PTPRK: variants seen among roughly 807,000 people sequenced by gnomAD.
PTPRK encodes the protein receptor-type tyrosine-protein phosphatase kappa.
In PTPRK, 75 loss-of-function variants were observed where a neutral mutation model predicts 178.0. The ratio of observed to expected loss-of-function variants is 0.42; its 90% CI spans 0.35 to 0.51. The LOEUF (loss-of-function observed/expected upper bound fraction) is 0.51. PTPRK is among the 20% of genes least tolerant of loss of function. PTPRK has a pLI of 0.02. For missense variants in PTPRK, 1,441 were observed against 1,797.8 expected (o/e 0.80, Z 3.59); for synonymous variants, 637 against 620.6 (o/e 1.03, Z -0.39).
intron 27 of PTPRK, among the ~76,000 whole-genome samples, chr6:127,974,466 C>A (rs1004015755): frequency 1.3e-5 from 2 of 152,150 alleles, no homozygotes; most frequent in Admixed American, 1.3e-4. Context: ...GCTTGGTCTT[C>A]TCAATCCCAA....
chr6:128,371,255 T>C (rs1269505772), intron 2 of PTPRK, among the ~76,000 whole-genome samples: 1 of 152,224 alleles, frequency 6.6e-6, no homozygotes, highest in Non-Finnish European at 1.5e-5. Context: ...TTGGACTCTA[T>C]CTGTACCATA....
At chr6:128,253,433 C>G (rs1228390497) in intron 3 of PTPRK, among the ~76,000 whole-genome samples, 1 of 152,100 alleles carries the variant, frequency 6.6e-6, no homozygotes, top group Non-Finnish European at 1.5e-5. Flanking sequence ...ATTTCTGTAT[C>G]TTTACTATCA....
chr6:128,314,511 C>T (rs371566913), intron 3 of PTPRK, among the ~76,000 whole-genome samples: 17 of 152,326 alleles, frequency 1.1e-4, no homozygotes, highest in African/African-American at 4.1e-4. Flanking sequence ...AATTCCACTT[C>T]CCTTAAATGC....
chr6:128,428,990 G>T (rs946413002), intron 1 of PTPRK, among the ~76,000 whole-genome samples: 12 of 152,158 alleles, frequency 7.9e-5, no homozygotes, highest in Non-Finnish European at 1.8e-4. Context: ...ATTAGGTTAG[G>T]TGTATTAAAA....
chr6:128,272,302 G>A (rs1307431354), intron 3 of PTPRK, among the ~76,000 whole-genome samples: 1 of 152,070 alleles, frequency 6.6e-6, no homozygotes, highest in African/African-American at 2.4e-5. Context: ...GCATGGGCAA[G>A]GACCTCATGA....
intron 1 of PTPRK, among the ~76,000 whole-genome samples, chr6:128,431,323 T>C (rs1220106518): frequency 1.3e-5 from 2 of 152,124 alleles, no homozygotes; most frequent in African/African-American, 4.8e-5. Context: ...TTTAAATAAA[T>C]ATGCAGCCTT....
At chr6:128,197,017 AC>A (rs1804971023) in intron 6 of PTPRK, among the ~76,000 whole-genome samples, 1 of 152,144 alleles carries the variant, frequency 6.6e-6, no homozygotes, top group South Asian at 2.1e-4. Context: ...ACTATTTTAA[AC>A]ATTATAGAAA....
chr6:127,975,685 T>A (rs2114611392), intron 27 of PTPRK, among the ~76,000 whole-genome samples: 1 of 152,312 alleles, frequency 6.6e-6, no homozygotes, highest in East Asian at 1.9e-4. Flanking sequence ...ATTAATATCT[T>A]TTTTTGGGGG....
chr6:128,088,473 T>C (rs1224397367), intron 8 of PTPRK, among the ~76,000 whole-genome samples: 1 of 152,048 alleles, frequency 6.6e-6, no homozygotes, highest in African/African-American at 2.4e-5. Flanking sequence ...GATCACTTAA[T>C]TTAAGCCCTT....
intron 13 of PTPRK, among the ~76,000 whole-genome samples, chr6:128,038,492 A>C (rs1776600798): frequency 2.0e-5 from 3 of 152,172 alleles, no homozygotes. Context: ...AAGAGCAAAA[A>C]GTACAGTTCT....
chr6:128,287,233 T>C (rs972746404), intron 3 of PTPRK, among the ~76,000 whole-genome samples: 1 of 152,134 alleles, frequency 6.6e-6, no homozygotes, highest in Non-Finnish European at 1.5e-5. Context: ...AGGCTGTGAA[T>C]TGGGATGAAC....
chr6:128,071,188 C>T (rs570875867), intron 11 of PTPRK, among the ~76,000 whole-genome samples: 1 of 151,678 alleles, frequency 6.6e-6, no homozygotes, highest in Admixed American at 6.6e-5. Flanking sequence ...AGTGTTCTAC[C>T]ATCTTTAGAA....
At chr6:128,407,633 C>CA (rs56189580) in intron 1 of PTPRK, among the ~76,000 whole-genome samples, 75,138 of 97,590 alleles carry the variant, frequency 0.77, 29,806 homozygotes, top group Middle Eastern at 0.86. Flanking sequence ...AAGACCCTAT[C>CA]AAAAAAAAAA....
intron 1 of PTPRK, among the ~76,000 whole-genome samples, chr6:128,456,146 A>G (rs2128409239): frequency 6.6e-6 from 1 of 152,194 alleles, no homozygotes; most frequent in Middle Eastern, 3.4e-3. Flanking sequence ...ATGGGGTGAC[A>G]TCATCGATAC....
intron 15 of PTPRK, among the ~76,000 whole-genome samples, chr6:128,002,819 GA>G (rs1777992686): frequency 6.6e-6 from 1 of 151,820 alleles, no homozygotes; most frequent in Non-Finnish European, 1.5e-5. Context: ...GGAGGATTTA[GA>G]AACATCCCTT....
chr6:128,373,901 A>G (rs183291162), intron 2 of PTPRK, among the ~76,000 whole-genome samples: 1 of 152,150 alleles, frequency 6.6e-6, no homozygotes, highest in African/African-American at 2.4e-5. Context: ...ATTTTATCTT[A>G]TGTTACAATT....
chr6:128,241,378 C>T (rs1396586362), intron 4 of PTPRK: 3 of 509,530 alleles, frequency 5.9e-6, no homozygotes, highest in South Asian at 1.5e-5. Context: ...CAATCAGAAC[C>T]AGGGGAAGAG....
intron 13 of PTPRK, among the ~76,000 whole-genome samples, chr6:128,027,679 C>A (rs916127574): frequency 3.3e-5 from 5 of 152,000 alleles, no homozygotes; most frequent in African/African-American, 7.2e-5. Flanking sequence ...GTTACTGCAA[C>A]CTTCTCCTGG....
intron 1 of PTPRK, among the ~76,000 whole-genome samples, chr6:128,433,283 C>T (rs1845075763): frequency 1.3e-5 from 2 of 152,146 alleles, no homozygotes; most frequent in Admixed American, 1.3e-4. Context: ...GCAACCCACA[C>T]ACACCCTTCC....
Sources: allele counts gnomAD v4.1 joint callset (sites outside exome capture counted in the v4.1 genomes callset), GRCh38; gene constraint gnomAD v4.1.1; transcripts MANE v1.5; gene names NCBI Gene and HGNC (gene_info 2026-07-23, HGNC 2026-07-21).